CACNA1C: variants seen among roughly 807,000 people sequenced by gnomAD.
CACNA1C encodes calcium voltage-gated channel subunit alpha1 C, also known as voltage-dependent L-type calcium channel subunit alpha-1C.
CACNA1C carries 30 observed loss-of-function variants against 229.0 expected under a neutral mutation model. That is an observed-to-expected ratio of 0.13 (90% CI 0.10 to 0.18). CACNA1C has a LOEUF of 0.18. CACNA1C is among the 10% of genes least tolerant of loss of function. The probability of loss-of-function intolerance (pLI) is 1.00; values close to 1 mark genes in which losing one functional copy is unlikely to be tolerated. For missense variants in CACNA1C, 1,658 were observed against 2,845.0 expected, an observed-to-expected ratio of 0.58 and a Z score of 9.49; for synonymous variants, 1,114 against 1,132.5, an observed-to-expected ratio of 0.98 and a Z score of 0.33.
intron 3 of CACNA1C, among the ~76,000 whole-genome samples, chr12:2,341,696 C>G (rs763495661): frequency 2.6e-5 from 4 of 152,236 alleles, no homozygotes; most frequent in Non-Finnish European, 2.9e-5. Context: ...TCATCATCTC[C>G]TCTGACTTTT....
At chr12:2,022,455 C>T (rs962112629) in intron 1 of CACNA1C, among the ~76,000 whole-genome samples, 2 of 143,166 alleles carry the variant, frequency 1.4e-5, no homozygotes, top group Admixed American at 7.2e-5. Flanking sequence ...GAAAGATGCC[C>T]TAAGGAACTT....
upstream of CACNA1C, among the ~76,000 whole-genome samples, chr12:2,048,770 C>T (rs953255724): frequency 6.6e-6 from 1 of 152,142 alleles, no homozygotes; most frequent in African/African-American, 2.4e-5. Context: ...GGGGAGGGCT[C>T]TGTGTCAAGA....
intron 3 of CACNA1C, among the ~76,000 whole-genome samples, chr12:2,386,258 A>G (rs894893101): frequency 3.3e-5 from 5 of 152,170 alleles, no homozygotes; most frequent in Non-Finnish European, 5.9e-5. Context: ...TTAAACACTG[A>G]TATCACTGGC....
At chr12:2,211,448 G>A (rs2097913855) in intron 3 of CACNA1C, among the ~76,000 whole-genome samples, 1 of 152,234 alleles carries the variant, frequency 6.6e-6, no homozygotes, top group African/African-American at 2.4e-5. Flanking sequence ...CAATGCCAAA[G>A]GCAAACTGGA....
At chr12:2,164,053 C>T (rs545125808) in intron 3 of CACNA1C, among the ~76,000 whole-genome samples, 38 of 152,292 alleles carry the variant, frequency 2.5e-4, no homozygotes, top group African/African-American at 9.1e-4. Flanking sequence ...AGTGGGCTTC[C>T]TCCCTCCCCT....
At chr12:2,612,735 G>T (rs1370381596) in intron 29 of CACNA1C, 1 of 152,304 alleles carries the variant, frequency 6.6e-6, no homozygotes, top group Non-Finnish European at 1.5e-5. Flanking sequence ...CCTCAGTGGT[G>T]GAGGAGCAGA....
At chr12:2,308,638 C>G (rs928472495) in intron 3 of CACNA1C, among the ~76,000 whole-genome samples, 2 of 152,160 alleles carry the variant, frequency 1.3e-5, no homozygotes, top group African/African-American at 4.8e-5. Context: ...CTTCGTTCTT[C>G]TTTCTCAAGA....
In CACNA1C at chr12:2,677,471, C is replaced by G; in HGVS notation, c.4956+250C>G. On this transcript the variant is annotated intron_variant, in intron 40 of 46. Transcript: ENST00000399655. The surrounding 1 kb of genome is among the most constrained non-coding windows in gnomAD (Gnocchi z 7.4). Reference sequence around the variant, plus strand: ...TAGCCCCCAGATCTCTCAAATACTTCACTGAGGCTCCCGTGACAGCCCCTG... The same window carrying G: ...TAGCCCCCAGATCTCTCAAATACTTGACTGAGGCTCCCGTGACAGCCCCTG... The G allele has an allele frequency of 1.6e-6, 1 of 613,740 alleles. No individual in the cohort carries two copies. The highest frequency in any genetic ancestry group is 2.8e-6 in the Non-Finnish European group (1 of 353,216). The allele number at this position is 613,740 out of a possible 1,614,324, so 38.0% of individuals were successfully genotyped here.
rs3794302 is a variant in CACNA1C at position 2,089,422 on chromosome 12, G to A, written c.50-25802G>A. On this transcript the variant is annotated intron_variant, in intron 1 of 46. Coordinates refer to ENST00000399655, the MANE Select transcript of CACNA1C (RefSeq NM_000719.7). The stretch of plus-strand genomic sequence containing the variant: ...TAAAGCACCATGCTGGACGCCGTGC[G>A]AGGTACTTGGAGTAGTAAGACTTGA... Among the ~76,000 whole-genome samples, 1,337 of 152,262 alleles carry A rather than the reference G, an allele frequency of 8.8e-3. 108 individuals are homozygous for A. The East Asian group carries it at 0.19, about 22-fold the overall frequency.
intron 1 of CACNA1C, among the ~76,000 whole-genome samples, chr12:2,018,446 A>G (rs1163644444): frequency 1.3e-5 from 2 of 152,220 alleles, no homozygotes; most frequent in African/African-American, 2.4e-5. Context: ...AAAATTTAAC[A>G]ATATTCTCTC....
At chr12:2,331,098 C>G (rs1407868049) in intron 3 of CACNA1C, among the ~76,000 whole-genome samples, 1 of 152,124 alleles carries the variant, frequency 6.6e-6, no homozygotes, top group African/African-American at 2.4e-5. Context: ...TGCGAAGACT[C>G]TGATAGACAG....
chr12:2,688,152 T>A, intron 45 of CACNA1C, among the ~76,000 whole-genome samples: 1 of 152,186 alleles, frequency 6.6e-6, no homozygotes, highest in East Asian at 1.9e-4. Context: ...AGCTGACAGG[T>A]GACCAGGCCA....
intron 5 of CACNA1C, among the ~76,000 whole-genome samples, chr12:2,473,257 A>C (rs1381438422): frequency 6.6e-6 from 1 of 152,090 alleles, no homozygotes; most frequent in Non-Finnish European, 1.5e-5. Flanking sequence ...AGCCACAGAC[A>C]CACAGGCAAC....
intron 1 of CACNA1C, chr12:1,993,393 T>A: frequency 6.2e-7 from 1 of 1,609,104 alleles, no homozygotes; most frequent in Non-Finnish European, 8.5e-7. Flanking sequence ...GAAGCAGACC[T>A]AAAAATCACA....
At chr12:2,590,736 C>T (rs138626285) in intron 18 of CACNA1C, among the ~76,000 whole-genome samples, 4 of 152,164 alleles carry the variant, frequency 2.6e-5, no homozygotes, top group African/African-American at 7.2e-5. Flanking sequence ...TTAGGAAGTT[C>T]GAATGGCACA....
At chr12:2,391,791 G>C (rs1337680560) in intron 3 of CACNA1C, among the ~76,000 whole-genome samples, 1 of 152,150 alleles carries the variant, frequency 6.6e-6, no homozygotes, top group Non-Finnish European at 1.5e-5. Context: ...CTCTAGACCT[G>C]GGCTATCGAA....
chr12:2,331,314 G>A (rs1266779938), intron 3 of CACNA1C, among the ~76,000 whole-genome samples: 1 of 152,184 alleles, frequency 6.6e-6, no homozygotes, highest in African/African-American at 2.4e-5. Flanking sequence ...GAGAGCTGCT[G>A]AAAGGACTTA....
Position 2,410,495 on chromosome 12 carries a change from G to A in CACNA1C, c.478-38481G>A, listed in dbSNP as rs1270765477. Among the ~76,000 whole-genome samples the A allele has an allele frequency of 1.3e-5, 2 of 152,212 alleles. No individual in the cohort carries two copies. The highest frequency in any genetic ancestry group is 1.9e-4 in the East Asian group (1 of 5,200). On this transcript the variant is annotated intron_variant, in intron 3 of 46. Coordinates refer to ENST00000399655, the MANE Select transcript of CACNA1C (RefSeq NM_000719.7). The surrounding 1 kb of genome is among the most constrained non-coding windows in gnomAD (Gnocchi z 5.3). ...TTTCCATGGATTACTTTGTGCAAAG[G>A]ATGCCAAAACCAAATATTTAAAGTA...
At chr12:2,272,053 G>A (rs1206482801) in intron 3 of CACNA1C, among the ~76,000 whole-genome samples, 4 of 152,138 alleles carry the variant, frequency 2.6e-5, no homozygotes, top group South Asian at 4.2e-4. Flanking sequence ...GGCCACCAAC[G>A]GGACTAGTAT....
Sources: allele counts gnomAD v4.1 joint callset (sites outside exome capture counted in the v4.1 genomes callset), GRCh38; gene constraint gnomAD v4.1.1; non-coding constraint Gnocchi (gnomAD v3.1); transcripts MANE v1.5; gene names NCBI Gene and HGNC (gene_info 2026-07-23, HGNC 2026-07-21).